Variants in LRRTM4 observed in about 807,000 individuals in gnomAD.
The protein encoded by LRRTM4 is leucine-rich repeat transmembrane neuronal protein 4.
Under a neutral mutation model 47.6 loss-of-function variants are expected in LRRTM4, and 25 were observed. The ratio of observed to expected loss-of-function variants is 0.53; its 90% CI spans 0.38 to 0.73. The LOEUF (loss-of-function observed/expected upper bound fraction) is 0.73. Among genes scored for constraint, LRRTM4 ranks in the 30% least tolerant of loss-of-function variants. LRRTM4 has a pLI of 0.00. For synonymous variants in LRRTM4, 311 were observed against 269.5 expected (o/e 1.15, Z -1.51); for missense variants, 638 against 713.4 (o/e 0.89, Z 1.20).
intron 3 of LRRTM4, among the ~76,000 whole-genome samples, chr2:77,327,773 C>T (rs537579766): frequency 3.3e-5 from 5 of 151,562 alleles, no homozygotes; most frequent in African/African-American, 9.7e-5. Context: ...AATACAATAG[C>T]TGGTGTGTAG....
chr2:77,272,776 C>G (rs1275437249), intron 3 of LRRTM4, among the ~76,000 whole-genome samples: 4 of 152,062 alleles, frequency 2.6e-5, no homozygotes, highest in Non-Finnish European at 1.5e-5. Flanking sequence ...CTGGCACCAC[C>G]CTCCTTTTTT....
intron 3 of LRRTM4, among the ~76,000 whole-genome samples, chr2:76,929,852 TATAA>T (rs1283738132): frequency 3.3e-5 from 5 of 152,106 alleles, no homozygotes; most frequent in African/African-American, 9.7e-5. Context: ...GTTTTTAGAA[TATAA>T]ATATTTTTAA....
At chr2:76,984,000 A>C (rs551794040) in intron 3 of LRRTM4, among the ~76,000 whole-genome samples, 124 of 152,212 alleles carry the variant, frequency 8.1e-4, no homozygotes, top group Non-Finnish European at 1.6e-3. Flanking sequence ...AGCAATTTCC[A>C]GTGTGACTAC....
At chr2:76,969,144 C>T (rs1008090901) in intron 3 of LRRTM4, among the ~76,000 whole-genome samples, 6 of 151,864 alleles carry the variant, frequency 4.0e-5, no homozygotes, top group African/African-American at 1.4e-4. Context: ...TAAAGACACC[C>T]TTCTCCTTGT....
At chr2:77,091,142 C>T (rs867485776) in intron 3 of LRRTM4, among the ~76,000 whole-genome samples, 109 of 145,480 alleles carry the variant, frequency 7.5e-4, no homozygotes, top group Middle Eastern at 3.4e-3. Context: ...GGCTGAGACA[C>T]TTTAACTAAA....
chr2:76,947,086 TTAGATTTG>T (rs1675345902), intron 3 of LRRTM4, among the ~76,000 whole-genome samples: 1 of 151,842 alleles, frequency 6.6e-6, no homozygotes, highest in Non-Finnish European at 1.5e-5. Context: ...AAGGAAGTAT[TTAGATTTG>T]AATGGGAAAA....
chr2:76,862,988 G>C (rs1169360604), intron 3 of LRRTM4, among the ~76,000 whole-genome samples: 1 of 152,126 alleles, frequency 6.6e-6, no homozygotes, highest in African/African-American at 2.4e-5. Context: ...ATCTACTTTT[G>C]TCAGGATGGA....
At chr2:77,424,127 TGA>T (rs1675014970) in intron 3 of LRRTM4, among the ~76,000 whole-genome samples, 1 of 152,180 alleles carries the variant, frequency 6.6e-6, no homozygotes, top group Admixed American at 6.5e-5. Flanking sequence ...TTAAGAGGAC[TGA>T]GAGGTCAGAA....
At chr2:77,194,038 C>T (rs1250419102) in intron 3 of LRRTM4, among the ~76,000 whole-genome samples, 1 of 152,128 alleles carries the variant, frequency 6.6e-6, no homozygotes. Flanking sequence ...TTCCAGTATT[C>T]AGTTATAGTC....
intron 3 of LRRTM4, among the ~76,000 whole-genome samples, chr2:76,830,515 CGTGTGTGTGTGT>C (rs57566911): frequency 1.3e-4 from 19 of 144,088 alleles, no homozygotes; most frequent in African/African-American, 1.8e-4. Context: ...GCAGTGTGTG[CGTGTGTGTGTGT>C]GTGTGTGTGT....
intron 3 of LRRTM4, among the ~76,000 whole-genome samples, chr2:76,932,182 C>T (rs769244830): frequency 4.6e-5 from 7 of 152,052 alleles, no homozygotes; most frequent in Non-Finnish European, 7.4e-5. Flanking sequence ...GATGTGATCA[C>T]CTCCTTAGTA....
At chr2:76,945,301 G>A (rs1390281814) in intron 3 of LRRTM4, among the ~76,000 whole-genome samples, 1 of 151,980 alleles carries the variant, frequency 6.6e-6, no homozygotes, top group Non-Finnish European at 1.5e-5. Flanking sequence ...AAGGAGCATA[G>A]GATTTGCTTC....
chr2:77,191,102 A>T (rs1558626425), intron 3 of LRRTM4, among the ~76,000 whole-genome samples: 1 of 152,160 alleles, frequency 6.6e-6, no homozygotes, highest in Non-Finnish European at 1.5e-5. Flanking sequence ...CTAGCACTGT[A>T]AGTTTTTAAA....
At chr2:77,472,605 T>A (rs1677233437) in intron 3 of LRRTM4, among the ~76,000 whole-genome samples, 1 of 152,106 alleles carries the variant, frequency 6.6e-6, no homozygotes, top group South Asian at 2.1e-4. Flanking sequence ...ATGTAGCAGA[T>A]GCCCAGTAGT....
chr2:77,467,000 A>C (rs1404426786), intron 3 of LRRTM4, among the ~76,000 whole-genome samples: 1 of 152,082 alleles, frequency 6.6e-6, no homozygotes. Flanking sequence ...GCCTGGTCCC[A>C]AACTATGGCA....
chr2:76,936,259 TA>T (rs1258839624), intron 3 of LRRTM4, among the ~76,000 whole-genome samples: 2 of 152,054 alleles, frequency 1.3e-5, no homozygotes, highest in Non-Finnish European at 2.9e-5. Context: ...TATGCAGCCA[TA>T]AAAAAGGACA....
Position 77,518,872 on chromosome 2 carries a change from T to C in LRRTM4, c.997A>G (p.Lys333Glu), listed in dbSNP as rs1679351670. The stretch of plus-strand genomic sequence containing the variant: ...CCCGCACATATCATGGTGCTTTCCT[T>C]ATTTCCTTTGAAATTCTTAAGCCAA... ...FYWLKNFKGNKESTMICAGPK... is the reference protein window; with the variant it reads ...FYWLKNFKGNEESTMICAGPK... The change falls in exon 3 of 4, where the codon AAG (lysine) becomes GAG (glutamate). Residue 333 changes from lysine to glutamate, a missense_variant. Lys to Glu is a moderately conservative substitution (Grantham distance 56). Coordinates refer to ENST00000409884, the MANE Select transcript of LRRTM4 (RefSeq NM_001134745.3). 8.7e-6 allele frequency: 14 copies of C among 1,605,740 alleles called. No homozygotes were observed. The highest frequency in any genetic ancestry group is 1.2e-5 in the Non-Finnish European group (14 of 1,175,424).
chr2:77,298,074 C>A (rs1016835272), intron 3 of LRRTM4, among the ~76,000 whole-genome samples: 1 of 152,104 alleles, frequency 6.6e-6, no homozygotes, highest in Non-Finnish European at 1.5e-5. Flanking sequence ...GTAAATTCTG[C>A]CTCTCACTTA....
intron 3 of LRRTM4, among the ~76,000 whole-genome samples, chr2:76,899,615 G>A (rs1673552155): frequency 6.6e-6 from 1 of 152,072 alleles, no homozygotes; most frequent in African/African-American, 2.4e-5. Context: ...AAGGAAGTTA[G>A]TGTAGCTGAA....
Sources: gnomAD v4.1 joint callset for allele counts (sites outside exome capture counted in the v4.1 genomes callset) on GRCh38, gnomAD v4.1.1 for gene constraint, MANE v1.5 for transcripts, NCBI Gene and HGNC (gene_info 2026-07-23, HGNC 2026-07-21) for gene names.